MYLK: variants seen among roughly 807,000 people sequenced by gnomAD.
MYLK encodes the protein myosin light chain kinase, smooth muscle.
Under a neutral mutation model 203.4 loss-of-function variants are expected in MYLK, and 106 were observed. The observed-to-expected ratio is 0.52, with a 90% CI of 0.45 to 0.61. MYLK has a LOEUF of 0.61. MYLK is among the 20% of genes least tolerant of loss of function. MYLK has a pLI of 0.00. For missense variants in MYLK, 2,072 were observed against 2,442.3 expected, an observed-to-expected ratio of 0.85 and a Z score of 3.20; for synonymous variants, 867 against 959.5, an observed-to-expected ratio of 0.90 and a Z score of 1.78.
intron 3 of MYLK, among the ~76,000 whole-genome samples, chr3:123,827,682 G>C (rs2066166802): frequency 1.4e-5 from 1 of 73,432 alleles, no homozygotes; most frequent in Admixed American, 1.6e-4. Context: ...GAAATGAAAA[G>C]ATGAAAAACA....
intron 1 of MYLK, among the ~76,000 whole-genome samples, chr3:123,882,866 C>T (rs542379895): frequency 6.6e-6 from 1 of 152,320 alleles, no homozygotes; most frequent in African/African-American, 2.4e-5. Context: ...TCCACAGTCC[C>T]ACAGTGTGCA....
At chr3:123,741,603 T>C (rs776728112) in intron 5 of MYLK, among the ~76,000 whole-genome samples, 17 of 152,206 alleles carry the variant, frequency 1.1e-4, no homozygotes, top group Non-Finnish European at 2.1e-4. Flanking sequence ...AATCATAAGC[T>C]TTAAAGATGC....
intron 19 of MYLK, chr3:123,691,517 T>C (rs1263837325): frequency 2.6e-5 from 4 of 152,244 alleles, no homozygotes; most frequent in African/African-American, 7.2e-5. Context: ...CGTGCTGCCA[T>C]TGTGTTTTTA....
At chr3:123,841,718 C>T (rs935950686) in intron 2 of MYLK, among the ~76,000 whole-genome samples, 9 of 152,138 alleles carry the variant, frequency 5.9e-5, no homozygotes, top group African/African-American at 2.2e-4. Flanking sequence ...CCCACTCCCT[C>T]TTTAACCCCC....
intron 3 of MYLK, among the ~76,000 whole-genome samples, chr3:123,812,548 A>G (rs1280503216): frequency 6.6e-6 from 1 of 152,178 alleles, no homozygotes; most frequent in Non-Finnish European, 1.5e-5. Context: ...GAGACTTAAA[A>G]CAGTGTCCAG....
chr3:123,878,934 C>A (rs2033335461), intron 1 of MYLK, among the ~76,000 whole-genome samples: 1 of 152,206 alleles, frequency 6.6e-6, no homozygotes, highest in African/African-American at 2.4e-5. Context: ...GATCCACCCG[C>A]CTTGGCCTCC....
intron 10 of MYLK, among the ~76,000 whole-genome samples, 169 bp downstream of exon 10, chr3:123,733,518 C>A (rs890373702): frequency 2.0e-5 from 3 of 152,138 alleles, no homozygotes; most frequent in African/African-American, 7.2e-5. Context: ...GGCATTTCTA[C>A]AATGAGTCAC....
At chr3:123,763,831 A>C (rs891274948) in intron 4 of MYLK, among the ~76,000 whole-genome samples, 1 of 152,146 alleles carries the variant, frequency 6.6e-6, no homozygotes, top group Non-Finnish European at 1.5e-5. Context: ...AGATATTTTC[A>C]TTACTGGCAA....
intron 4 of MYLK, among the ~76,000 whole-genome samples, chr3:123,768,578 G>C (rs572145279): frequency 6.6e-6 from 1 of 152,332 alleles, no homozygotes; most frequent in African/African-American, 2.4e-5. Context: ...AATACACCTA[G>C]AGATTAGGTA....
At chr3:123,659,989 C>G (rs1254233761) in intron 23 of MYLK, among the ~76,000 whole-genome samples, 1 of 152,208 alleles carries the variant, frequency 6.6e-6, no homozygotes, top group Non-Finnish European at 1.5e-5. Context: ...CTCTTGAGGT[C>G]TCTTGGTCCT....
Position 123,642,857 on chromosome 3 carries a change from A to G in MYLK, c.4620-2353T>C, listed in dbSNP as rs991001807. ...GCTCAATATTAATGATCAATTTTCT[A>G]TGTAAAGAATCACTTGGGGCTCTTA... On this transcript the variant is annotated intron_variant, in intron 27 of 33. Transcript: ENST00000360304. The surrounding 1 kb of genome is among the most constrained non-coding windows in gnomAD (Gnocchi z 4.2). 1.3e-5 allele frequency among the ~76,000 whole-genome samples: 2 copies of G among 152,234 alleles called. No homozygotes were observed. Among genetic ancestry groups the G allele is most frequent in the East Asian group, 1.9e-4 (1 of 5,202 alleles).
At chr3:123,702,835 T>C (rs2061300375) in intron 16 of MYLK, among the ~76,000 whole-genome samples, 1 of 152,142 alleles carries the variant, frequency 6.6e-6, no homozygotes, top group Non-Finnish European at 1.5e-5. Flanking sequence ...TTAAAAAATA[T>C]AATACTGAAG....
chr3:123,790,240 G>A (rs932421811), intron 4 of MYLK, among the ~76,000 whole-genome samples: 4 of 152,218 alleles, frequency 2.6e-5, no homozygotes, highest in African/African-American at 7.2e-5. Context: ...CACCAGTGAT[G>A]TCTTTTTATC....
In MYLK at chr3:123,639,524, C is replaced by T. The variant is rs2058759187; in HGVS notation, c.4837+763G>A. ...TAAGAAGGGAGGATGAAGCTGTTTC[C>T]TCAATCACCGGGACATCAAAGGGCT... On this transcript the variant is annotated intron_variant, in intron 28 of 33. Transcript: ENST00000360304. 2.0e-5 allele frequency among the ~76,000 whole-genome samples: 3 copies of T among 152,190 alleles called. No homozygotes were observed. In the South Asian group the frequency reaches 6.2e-4, roughly 32 times the overall value.
At chr3:123,873,569 GAACT>G (rs765665653) in intron 2 of MYLK, among the ~76,000 whole-genome samples, 1 of 151,982 alleles carries the variant, frequency 6.6e-6, no homozygotes, top group Non-Finnish European at 1.5e-5. Flanking sequence ...AAAGCTACTA[GAACT>G]AATAAGTCAG....
chr3:123,708,379 A>G lies in MYLK; in HGVS notation c.2140+319T>C, dbSNP rs189764645. Among the ~76,000 whole-genome samples the G allele has an allele frequency of 2.6e-5, 4 of 152,330 alleles. No individual in the cohort carries two copies. In the East Asian group the frequency reaches 7.7e-4, roughly 29 times the overall value. ...TTATCTAATGGCAAGGACCCTGTTA[A>G]GCCTATAACTCACCTCAAAATCTAT... On this transcript the variant is annotated intron_variant, in intron 15 of 33. Coordinates refer to ENST00000360304, the MANE Select transcript of MYLK (RefSeq NM_053025.4).
chr3:123,849,099 C>T (rs2030420222), intron 2 of MYLK, among the ~76,000 whole-genome samples: 1 of 152,114 alleles, frequency 6.6e-6, no homozygotes, highest in Non-Finnish European at 1.5e-5. Context: ...CCTCAGCCTA[C>T]TGAGTAGCTG....
intron 4 of MYLK, among the ~76,000 whole-genome samples, chr3:123,781,985 G>A (rs1459434667): frequency 6.6e-6 from 1 of 152,142 alleles, no homozygotes; most frequent in African/African-American, 2.4e-5. Flanking sequence ...AGCTGGCACC[G>A]AGGTGTGTTT....
chr3:123,701,737 C>A (rs2061238287), intron 16 of MYLK, among the ~76,000 whole-genome samples: 1 of 152,228 alleles, frequency 6.6e-6, no homozygotes, highest in Non-Finnish European at 1.5e-5. Flanking sequence ...AATGTCTGGA[C>A]AACAGCTAAG....
Sources: allele counts gnomAD v4.1 joint callset (sites outside exome capture counted in the v4.1 genomes callset), GRCh38; gene constraint gnomAD v4.1.1; non-coding constraint Gnocchi (gnomAD v3.1); transcripts MANE v1.5; gene names NCBI Gene and HGNC (gene_info 2026-07-23, HGNC 2026-07-21).